The following SGCZ variants were observed in gnomAD, a reference collection of about 807,000 sequenced individuals.
The protein encoded by SGCZ is zeta-sarcoglycan.
SGCZ carries 40 observed loss-of-function variants against 41.3 expected under a neutral mutation model. The ratio of observed to expected loss-of-function variants is 0.97; its 90% CI spans 0.75 to 1.26. SGCZ has a LOEUF of 1.26. Among genes scored for constraint, SGCZ ranks in the 50% most tolerant of loss-of-function variants. The pLI, the probability that SGCZ is intolerant of heterozygous loss-of-function variation, is 0.00. For synonymous variants in SGCZ, 206 were observed against 137.5 expected (o/e 1.50, Z -3.49); for missense variants, 552 against 369.8 (o/e 1.49, Z -4.04).
chr8:14,508,299 G>A (rs1321354576), intron 2 of SGCZ, among the ~76,000 whole-genome samples: 7 of 151,930 alleles, frequency 4.6e-5, no homozygotes, highest in Non-Finnish European at 1.0e-4. Flanking sequence ...GCACATATGA[G>A]GACCCCAAAA....
intron 2 of SGCZ, among the ~76,000 whole-genome samples, chr8:14,478,928 C>A (rs866495330): frequency 6.6e-6 from 1 of 152,190 alleles, no homozygotes; most frequent in South Asian, 2.1e-4. Context: ...TCTACACCTA[C>A]ATTCTGTTCT....
At chr8:15,153,479 T>A (rs1339917535) in intron 1 of SGCZ, among the ~76,000 whole-genome samples, 1 of 152,176 alleles carries the variant, frequency 6.6e-6, no homozygotes, top group Non-Finnish European at 1.5e-5. Flanking sequence ...TGATATAGTT[T>A]GAACATATGT....
At chr8:14,468,218 A>G (rs1033464616) in intron 2 of SGCZ, among the ~76,000 whole-genome samples, 1 of 152,050 alleles carries the variant, frequency 6.6e-6, no homozygotes, top group Non-Finnish European at 1.5e-5. Context: ...CATAATACAG[A>G]TAGAATGATA....
intron 3 of SGCZ, among the ~76,000 whole-genome samples, chr8:14,285,974 A>T (rs1266079447): frequency 6.6e-6 from 1 of 152,120 alleles, no homozygotes; most frequent in Admixed American, 6.6e-5. Flanking sequence ...ATAATAATGT[A>T]TGTGTATCTA....
intron 1 of SGCZ, among the ~76,000 whole-genome samples, chr8:15,030,308 C>T (rs986644784): frequency 3.9e-5 from 6 of 151,934 alleles, no homozygotes; most frequent in Admixed American, 1.3e-4. Context: ...GAAAATAGCA[C>T]GGTGAAAATC....
intron 5 of SGCZ, among the ~76,000 whole-genome samples, chr8:14,113,005 G>A (rs1002430336): frequency 6.6e-6 from 1 of 152,044 alleles, no homozygotes; most frequent in African/African-American, 2.4e-5. Context: ...CCTCTCGAAA[G>A]AAGAAATGTC....
rs926477541 is a variant in SGCZ, at chr8:14,282,135, A to AG, written c.336+41967_336+41968insC. ...GTTGACTGCACATCTACTATGTAAA[A>AG]AAAAATCAAAGAAAACTTTTTATGA... is the stretch of plus-strand genomic sequence containing the variant. On this transcript the variant is annotated intron_variant, in intron 3 of 7. Transcript: ENST00000382080. 7.7e-4 allele frequency among the ~76,000 whole-genome samples: 117 copies of AG among 151,770 alleles called. 1 individual carries two copies. Among genetic ancestry groups the AG allele is most frequent in the African/African-American group, 2.7e-3 (113 of 41,402 alleles).
At chr8:14,570,182 A>G (rs1804508541) in intron 1 of SGCZ, among the ~76,000 whole-genome samples, 2 of 152,182 alleles carry the variant, frequency 1.3e-5, no homozygotes, top group Admixed American at 1.3e-4. Flanking sequence ...CTTCAAGCAG[A>G]GCAGGTAGGT....
At chr8:14,722,264 C>A (rs1408617585) in intron 1 of SGCZ, among the ~76,000 whole-genome samples, 15 of 152,040 alleles carry the variant, frequency 9.9e-5, no homozygotes, top group African/African-American at 3.6e-4. Context: ...GCATCTATAA[C>A]ATAATTTGCT....
chr8:14,617,438 C>G (rs1806141774), intron 1 of SGCZ, among the ~76,000 whole-genome samples: 1 of 152,054 alleles, frequency 6.6e-6, no homozygotes, highest in East Asian at 1.9e-4. Context: ...TTTATTATGT[C>G]TCATTAGTCA....
chr8:15,015,583 G>C (rs997254754), intron 1 of SGCZ, among the ~76,000 whole-genome samples: 2 of 149,634 alleles, frequency 1.3e-5, no homozygotes, highest in Non-Finnish European at 3.0e-5. Context: ...GCTACCCGGA[G>C]AGGCTGAGGC....
At chr8:14,126,450 T>C (rs948234876) in intron 5 of SGCZ, among the ~76,000 whole-genome samples, 1 of 139,448 alleles carries the variant, frequency 7.2e-6, no homozygotes, top group African/African-American at 2.7e-5. Context: ...CCAGTCAGAA[T>C]GGCTATTATT....
intron 1 of SGCZ, among the ~76,000 whole-genome samples, chr8:14,833,669 G>C (rs900440791): frequency 6.6e-6 from 1 of 152,150 alleles, no homozygotes. Context: ...CGAAGGAAGG[G>C]GTTCCCTCAG....
At chr8:14,818,156 T>C (rs11779930) in intron 1 of SGCZ, among the ~76,000 whole-genome samples, 32,506 of 151,974 alleles carry the variant, frequency 0.21, 4,293 homozygotes, top group Middle Eastern at 0.31. Flanking sequence ...ATCTCCCAGC[T>C]GGTCACACTC....
chr8:14,501,575 T>G (rs1332507842), intron 2 of SGCZ, among the ~76,000 whole-genome samples: 1 of 151,542 alleles, frequency 6.6e-6, no homozygotes, highest in Non-Finnish European at 1.5e-5. Flanking sequence ...TTTCATAATC[T>G]ATATTATAGA....
At chr8:14,813,572 C>T (rs1039606750) in intron 1 of SGCZ, among the ~76,000 whole-genome samples, 3 of 152,172 alleles carry the variant, frequency 2.0e-5, no homozygotes, top group African/African-American at 7.2e-5. Flanking sequence ...GAAAATCTTG[C>T]TCTGAAATTC....
chr8:14,812,647 T>G (rs989312394), intron 1 of SGCZ, among the ~76,000 whole-genome samples: 4 of 152,118 alleles, frequency 2.6e-5, no homozygotes, highest in African/African-American at 9.7e-5. Context: ...ATAAGTGAGC[T>G]AAAATATCAT....
chr8:14,528,728 C>T (rs1453144802), intron 2 of SGCZ, among the ~76,000 whole-genome samples: 1 of 151,456 alleles, frequency 6.6e-6, no homozygotes, highest in Admixed American at 6.6e-5. Flanking sequence ...TCTGCCCTGG[C>T]CCAATTTCTA....
chr8:14,219,090 T>G (rs1806099896), intron 4 of SGCZ, among the ~76,000 whole-genome samples: 1 of 152,230 alleles, frequency 6.6e-6, no homozygotes, highest in Non-Finnish European at 1.5e-5. Context: ...TGAAGTGCCC[T>G]CTTACTCTAT....
Sources: allele counts gnomAD v4.1 joint callset (sites outside exome capture counted in the v4.1 genomes callset), GRCh38; gene constraint gnomAD v4.1.1; transcripts MANE v1.5; gene names NCBI Gene and HGNC (gene_info 2026-07-23, HGNC 2026-07-21).